DIP2B: variants seen among roughly 807,000 people sequenced by gnomAD.
The protein encoded by DIP2B is DIP2 acetate--CoA ligase B (putative).
In DIP2B, 76 loss-of-function variants were observed where a neutral mutation model predicts 198.0. That is an observed-to-expected ratio of 0.38 (90% CI 0.32 to 0.46). The LOEUF is 0.46. Ranked by LOEUF, DIP2B falls within the 20% of genes least tolerant of loss-of-function variation. The probability of loss-of-function intolerance (pLI) is 0.99; values close to 1 mark genes in which losing one functional copy is unlikely to be tolerated. For synonymous variants in DIP2B, 701 were observed against 739.1 expected, an observed-to-expected ratio of 0.95 and a Z score of 0.84; for missense variants, 1,559 against 1,978.4, an observed-to-expected ratio of 0.79 and a Z score of 4.02.
chr12:50,652,323 T>TTA (rs1053472591), intron 3 of DIP2B, among the ~76,000 whole-genome samples: 4 of 129,268 alleles, frequency 3.1e-5, no homozygotes, highest in South Asian at 5.2e-4. Context: ...AATATATATA[T>TTA]TATATATATA....
chr12:50,687,453 C>G (rs1053138702), intron 12 of DIP2B, among the ~76,000 whole-genome samples: 7 of 152,098 alleles, frequency 4.6e-5, no homozygotes, highest in African/African-American at 1.4e-4. Context: ...ACAGGCAAAT[C>G]AATAAAAATT....
chr12:50,624,474 A>C (rs1032031981), intron 1 of DIP2B, among the ~76,000 whole-genome samples: 1 of 152,158 alleles, frequency 6.6e-6, no homozygotes, highest in South Asian at 2.1e-4. Context: ...CTGGGATTAC[A>C]GACATGTGCC....
intron 24 of DIP2B, 52 bp from the exon 25 acceptor site, chr12:50,718,903 G>T: frequency 6.2e-7 from 1 of 1,612,766 alleles, no homozygotes; most frequent in South Asian, 1.1e-5. Context: ...TGCATTATAT[G>T]ACTTGTTATA....
rs940025195 is a variant in DIP2B at position 50,594,718 on chromosome 12, T to C, written c.101-31258T>C. Among the ~76,000 whole-genome samples the C allele has an allele frequency of 8.5e-5, 13 of 152,290 alleles. No individual in the cohort carries two copies. In the South Asian group the frequency reaches 2.7e-3, roughly 32 times the overall value. ...AAATAGGAAAAAGTCATCGAAAATA[T>C]CAAAATATATTTAAAAAGTTTAACC... On this transcript the variant is annotated intron_variant, in intron 1 of 37. Coordinates refer to ENST00000301180, the MANE Select transcript of DIP2B (RefSeq NM_173602.3).
chr12:50,532,938 A>G (rs1354746121), intron 1 of DIP2B, among the ~76,000 whole-genome samples: 2 of 152,186 alleles, frequency 1.3e-5, no homozygotes, highest in Non-Finnish European at 2.9e-5. Flanking sequence ...TCTGGCCCTC[A>G]CCGGGCTGGT....
At chr12:50,577,298 G>A (rs991907762) in intron 1 of DIP2B, among the ~76,000 whole-genome samples, 46 of 152,184 alleles carry the variant, frequency 3.0e-4, no homozygotes, top group African/African-American at 1.0e-3. Context: ...TTGGGAGGCC[G>A]AGGCGGGCGG....
chr12:50,564,506 T>C (rs12302810), intron 1 of DIP2B, among the ~76,000 whole-genome samples: 8,611 of 152,248 alleles, frequency 0.057, 820 homozygotes, highest in African/African-American at 0.2. Context: ...CTAATTGTTG[T>C]CTATCTGATG....
At chr12:50,712,575 G>T (rs937248236) in intron 22 of DIP2B, among the ~76,000 whole-genome samples, 3 of 151,422 alleles carry the variant, frequency 2.0e-5, no homozygotes, top group African/African-American at 7.3e-5. Context: ...CTGCACTTCA[G>T]CCTGGGAGAA....
At chr12:50,685,805 A>G (rs779119003) in intron 10 of DIP2B, 28 bp from the exon 11 acceptor site, 14 of 1,608,020 alleles carry the variant, frequency 8.7e-6, no homozygotes, top group Admixed American at 1.7e-5. Context: ...TCGCTCCCCT[A>G]CCTATGTTCA....
chr12:50,638,460 G>T (rs1053648247), intron 2 of DIP2B, among the ~76,000 whole-genome samples: 2 of 151,994 alleles, frequency 1.3e-5, no homozygotes, highest in Non-Finnish European at 2.9e-5. Flanking sequence ...TTATCACTTG[G>T]CATTACTTTA....
At chr12:50,641,912 T>C (rs569468884) in intron 3 of DIP2B, among the ~76,000 whole-genome samples, 3 of 152,336 alleles carry the variant, frequency 2.0e-5, no homozygotes, top group South Asian at 2.1e-4. Flanking sequence ...TTATTTATTT[T>C]CTTCAGATTT....
At chr12:50,576,774 C>G (rs896939738) in intron 1 of DIP2B, among the ~76,000 whole-genome samples, 2 of 152,140 alleles carry the variant, frequency 1.3e-5, no homozygotes, top group South Asian at 4.1e-4. Context: ...AGCTACCGCG[C>G]CCAGCCGGTC....
intron 1 of DIP2B, among the ~76,000 whole-genome samples, chr12:50,540,467 T>C (rs1206226447): frequency 2.0e-5 from 3 of 150,948 alleles, no homozygotes; most frequent in African/African-American, 7.3e-5. Flanking sequence ...TCTTCAGTCA[T>C]AGATTTTCAG....
intron 2 of DIP2B, among the ~76,000 whole-genome samples, chr12:50,634,482 T>A (rs1938121165): frequency 6.6e-6 from 1 of 152,228 alleles, no homozygotes; most frequent in African/African-American, 2.4e-5. Flanking sequence ...ATGTATTTAC[T>A]GAGTGCCTAC....
intron 35 of DIP2B, among the ~76,000 whole-genome samples, chr12:50,737,763 T>C (rs1226434296): frequency 1.3e-5 from 2 of 152,048 alleles, no homozygotes; most frequent in Non-Finnish European, 1.5e-5. Context: ...ACTTTTTGTA[T>C]TTTTAGTAGA....
chr12:50,590,543 T>C (rs1317125216), intron 1 of DIP2B, among the ~76,000 whole-genome samples: 2 of 152,066 alleles, frequency 1.3e-5, no homozygotes, highest in African/African-American at 2.4e-5. Flanking sequence ...CTAATTTTTG[T>C]ATTCTTAGTA....
rs1939070514 is a variant in DIP2B at position 50,682,997 on chromosome 12, T to G, written c.1207-141T>G. 5 of 683,154 alleles carry G rather than the reference T, an allele frequency of 7.3e-6. No homozygotes were observed. In the East Asian group the frequency reaches 1.5e-4, roughly 20 times the overall value. 42.3% of individuals were successfully genotyped at this position (683,154 alleles called of 1,614,324 possible). A position where few individuals can be genotyped will look rare whatever the true frequency, so the allele number is the denominator to read the frequency against. On this transcript the variant is annotated intron_variant, in intron 9 of 37. Transcript: ENST00000301180. ...AGATGTGTGTCTCTATCTCAGTAACTTAATTTCCTTTAGAGCAGATGGCTG... is the reference window on the plus strand; with the variant it reads ...AGATGTGTGTCTCTATCTCAGTAACGTAATTTCCTTTAGAGCAGATGGCTG...
intron 1 of DIP2B, among the ~76,000 whole-genome samples, chr12:50,600,554 C>G (rs893158838): frequency 2.6e-5 from 4 of 152,094 alleles, no homozygotes; most frequent in African/African-American, 9.7e-5. Context: ...GATCATCTTT[C>G]CCCCTGTTGG....
intron 31 of DIP2B, among the ~76,000 whole-genome samples, 159 bp downstream of exon 31, chr12:50,731,696 T>G (rs2139598220): frequency 6.6e-6 from 1 of 152,368 alleles, no homozygotes; most frequent in South Asian, 2.1e-4. Context: ...CAAGTTTATC[T>G]CTTCCACCTT....
Sources: gnomAD v4.1 joint callset for allele counts (sites outside exome capture counted in the v4.1 genomes callset) on GRCh38, gnomAD v4.1.1 for gene constraint, MANE v1.5 for transcripts, NCBI Gene and HGNC (gene_info 2026-07-23, HGNC 2026-07-21) for gene names.